The following ABR variants were observed in gnomAD, a reference collection of about 807,000 sequenced individuals.
The protein encoded by ABR is active breakpoint cluster region-related protein.
ABR carries 35 observed loss-of-function variants against 107.2 expected under a neutral mutation model. The ratio of observed to expected loss-of-function variants is 0.33; its 90% CI spans 0.25 to 0.43. The LOEUF (loss-of-function observed/expected upper bound fraction) is 0.43, where lower values mean the gene tolerates loss of function less well. ABR is among the 20% of genes least tolerant of loss of function. The pLI is 1.00. For missense variants in ABR, 815 were observed against 1,115.2 expected, an observed-to-expected ratio of 0.73 and a Z score of 3.83; for synonymous variants, 498 against 462.0, an observed-to-expected ratio of 1.08 and a Z score of -1.00.
intron 1 of ABR, among the ~76,000 whole-genome samples, chr17:1,177,364 C>A (rs1161047293): frequency 6.6e-6 from 1 of 152,150 alleles, no homozygotes; most frequent in Non-Finnish European, 1.5e-5. Flanking sequence ...CACATCAGTG[C>A]CCCCTCCCAC....
chr17:1,069,709 T>C (rs1162866805), intron 9 of ABR, among the ~76,000 whole-genome samples: 1 of 151,900 alleles, frequency 6.6e-6, no homozygotes, highest in Admixed American at 6.6e-5. Context: ...GAAGGCTCCA[T>C]GGGTGGCAGG....
chr17:1,092,538 G>C lies in ABR; in HGVS notation c.346-688C>G, dbSNP rs77344167. ...TCCAGGGCCTGCCAGTGTAGACGGT[G>C]AGGTGGCAGATAACACAGACCAACC... On this transcript the variant is annotated intron_variant, in intron 3 of 22. Coordinates refer to ENST00000302538, the MANE Select transcript of ABR (RefSeq NM_021962.5). The surrounding 1 kb of genome is among the most constrained non-coding windows in gnomAD (Gnocchi z 4.6). 2.1e-3 allele frequency among the ~76,000 whole-genome samples: 322 copies of C among 152,196 alleles called. No homozygotes were observed. The highest frequency in any genetic ancestry group is 7.4e-3 in the African/African-American group (308 of 41,518).
At chr17:1,021,684 A>C (rs1027285495) in intron 16 of ABR, among the ~76,000 whole-genome samples, 2 of 151,958 alleles carry the variant, frequency 1.3e-5, no homozygotes, top group Admixed American at 1.3e-4. Flanking sequence ...GGTGCCTGTA[A>C]TCCCAGCTAC....
chr17:1,200,288 G>A lies in ABR; in HGVS notation c.838+28505C>T, dbSNP rs535279376. Among the ~76,000 whole-genome samples, 3 of 152,200 alleles carry A rather than the reference G, an allele frequency of 2.0e-5. No homozygotes were observed. Among genetic ancestry groups the A allele is most frequent in the South Asian group, 4.1e-4 (2 of 4,828 alleles). The stretch of plus-strand genomic sequence containing the variant: ...GTCGGGGGCAGGCATGGTGACTCAC[G>A]CCTGTAATCCCAACACTTTCGGACG... On this transcript the variant is annotated intron_variant, in intron 1 of 22. Coordinates refer to the ABR transcript ENST00000574139. The surrounding 1 kb of genome is among the most constrained non-coding windows in gnomAD (Gnocchi z 4.1).
At chr17:1,013,039 C>A in intron 17 of ABR, 66 bp downstream of exon 17, 1 of 1,584,196 alleles carries the variant, frequency 6.3e-7, no homozygotes, top group East Asian at 2.2e-5. Flanking sequence ...GGCCGGGCTG[C>A]CCACCTGCTG....
rs1277340824 is a variant in ABR at position 1,037,197 on chromosome 17, C to T, written c.1791+12853G>A. Among the ~76,000 whole-genome samples the T allele has an allele frequency of 6.6e-6, 1 of 152,248 alleles. No individual in the cohort carries two copies. Among genetic ancestry groups the T allele is most frequent in the Non-Finnish European group, 1.5e-5 (1 of 68,044 alleles). On this transcript the variant is annotated intron_variant, in intron 16 of 22. Transcript: ENST00000302538. This position sits in a 1 kb window ranked among gnomAD's most constrained non-coding sequence, Gnocchi z 4.6. ...GATGGGCACAGTGTAAGGAAGAAGG[C>T]AGTCAGGATGAAATCAGTTGCTCTA...
At chr17:1,039,081 G>GGCA in intron 16 of ABR, among the ~76,000 whole-genome samples, 1 of 152,266 alleles carries the variant, frequency 6.6e-6, no homozygotes, top group East Asian at 1.9e-4. Context: ...CTGGGAGCCC[G>GGCA]GCACCCAGAG....
At chr17:1,056,195 TATG>T (rs2033253835) in intron 13 of ABR, 86 bp from the exon 14 acceptor site, 3 of 1,180,708 alleles carry the variant, frequency 2.5e-6, no homozygotes, top group Non-Finnish European at 3.8e-6. Context: ...GCAGACGGGG[TATG>T]AGACTCAGCT....
In ABR at chr17:1,011,650, G is replaced by A. The variant is rs1350321699; in HGVS notation, c.2101+196C>T. ...AGTGAGTCGGCCCTTGTGAGTTTCT[G>A]CAGTTGCTTACCTGCAGCAAGGGAC... On this transcript the variant is annotated intron_variant, in intron 19 of 22. Coordinates refer to ENST00000302538, the MANE Select transcript of ABR (RefSeq NM_021962.5). This position sits in a 1 kb window ranked among gnomAD's most constrained non-coding sequence, Gnocchi z 4.8. 1 of 556,648 alleles carries A rather than the reference G, an allele frequency of 1.8e-6. No homozygotes were observed. The highest frequency in any genetic ancestry group is 2.8e-6 in the Non-Finnish European group (1 of 357,262). 34.5% of individuals were successfully genotyped at this position (556,648 alleles called of 1,614,324 possible). A position where few individuals can be genotyped will look rare whatever the true frequency, so the allele number is the denominator to read the frequency against.
chr17:1,022,032 G>A (rs1381328305), intron 16 of ABR, among the ~76,000 whole-genome samples: 5 of 148,964 alleles, frequency 3.4e-5, no homozygotes, highest in East Asian at 4.0e-4. Context: ...ACTTGAACCC[G>A]GGAGGCAGGG....
At chr17:1,116,611 G>A (rs913775103) in intron 2 of ABR, among the ~76,000 whole-genome samples, 2 of 152,112 alleles carry the variant, frequency 1.3e-5, no homozygotes, top group African/African-American at 2.4e-5. Flanking sequence ...AGAGAGGACG[G>A]GAGCCAGCGA....
intron 21 of ABR, among the ~76,000 whole-genome samples, chr17:1,009,171 CCACT>C (rs2070307873): frequency 1.7e-5 from 1 of 59,772 alleles, no homozygotes; most frequent in African/African-American, 4.4e-5. Flanking sequence ...TGTCTGTCCC[CCACT>C]GCTGTCCATC....
chr17:1,090,699 G>C (rs945056538), intron 4 of ABR, among the ~76,000 whole-genome samples: 2 of 152,212 alleles, frequency 1.3e-5, no homozygotes, highest in African/African-American at 2.4e-5. Context: ...GCGTGAGAAA[G>C]GCAGAGCCCT....
At chr17:1,020,024 C>T (rs755927103) in intron 16 of ABR, among the ~76,000 whole-genome samples, 2 of 152,152 alleles carry the variant, frequency 1.3e-5, no homozygotes, top group African/African-American at 2.4e-5. Flanking sequence ...GGCGGACGAA[C>T]GACTGGGCCA....
At chr17:1,113,846 A>G (rs2038853816) in intron 2 of ABR, among the ~76,000 whole-genome samples, 1 of 152,048 alleles carries the variant, frequency 6.6e-6, no homozygotes, top group African/African-American at 2.4e-5. Context: ...TTAGTTATAC[A>G]TTTTTCCTTA....
chr17:1,170,624 C>A (rs969744783), intron 1 of ABR, among the ~76,000 whole-genome samples: 1 of 151,930 alleles, frequency 6.6e-6, no homozygotes. Context: ...TTAGTAGAAA[C>A]GGGGTTTCAT....
chr17:1,130,997 T>C (rs928085962), intron 1 of ABR, among the ~76,000 whole-genome samples: 12 of 152,272 alleles, frequency 7.9e-5, no homozygotes, highest in African/African-American at 2.9e-4. Flanking sequence ...CAATCTCTAA[T>C]GGCAGCATTA....
chr17:1,132,856 G>C (rs2039907311), intron 1 of ABR, among the ~76,000 whole-genome samples: 1 of 152,214 alleles, frequency 6.6e-6, no homozygotes, highest in Admixed American at 6.5e-5. Context: ...CACTGTTCGT[G>C]TCAAATTGGC....
chr17:1,085,794 GAATA>G, intron 4 of ABR, among the ~76,000 whole-genome samples: 1 of 152,104 alleles, frequency 6.6e-6, no homozygotes, highest in Admixed American at 6.6e-5. Context: ...GGATCTGCGG[GAATA>G]AATAAAAGAT....
Sources: allele counts gnomAD v4.1 joint callset (sites outside exome capture counted in the v4.1 genomes callset), GRCh38; gene constraint gnomAD v4.1.1; non-coding constraint Gnocchi (gnomAD v3.1); transcripts MANE v1.5; gene names NCBI Gene and HGNC (gene_info 2026-07-23, HGNC 2026-07-21).